The following SDCCAG8 variants were observed in gnomAD, a reference collection of about 807,000 sequenced individuals.
SDCCAG8 encodes the protein serologically defined colon cancer antigen 8.
A neutral mutation model predicts 101.8 loss-of-function variants in SDCCAG8; 74 were observed. That is an observed-to-expected ratio of 0.73 (90% confidence interval 0.60 to 0.88). The LOEUF (loss-of-function observed/expected upper bound fraction) is 0.88, where lower values mean the gene tolerates loss of function less well. SDCCAG8 is among the 40% of genes least tolerant of loss of function. The pLI is 0.00. For missense variants in SDCCAG8, 787 were observed against 822.6 expected (o/e 0.96, Z 0.53); for synonymous variants, 281 against 292.9 (o/e 0.96, Z 0.41).
At chr1:243,307,683 A>T (rs1355481024) in intron 7 of SDCCAG8, 3 of 1,283,588 alleles carry the variant, frequency 2.3e-6, no homozygotes, top group East Asian at 7.4e-5. Flanking sequence ...TTAATATAAC[A>T]TTAATGGAGG....
At chr1:243,261,679 C>A (rs1357976649) in intron 1 of SDCCAG8, among the ~76,000 whole-genome samples, 2 of 152,174 alleles carry the variant, frequency 1.3e-5, no homozygotes, top group Non-Finnish European at 2.9e-5. Context: ...TTCCTGTTTT[C>A]TTATAAAACT....
At chr1:243,306,555 C>G (rs1333146863) in intron 7 of SDCCAG8, 2 of 152,040 alleles carry the variant, frequency 1.3e-5, no homozygotes, top group Admixed American at 6.6e-5. Context: ...TTTCAACTTT[C>G]TTTTTAACTT....
At chr1:243,434,428 T>G (rs1193113621) in intron 16 of SDCCAG8, among the ~76,000 whole-genome samples, 4 of 152,260 alleles carry the variant, frequency 2.6e-5, no homozygotes, top group African/African-American at 4.8e-5. Flanking sequence ...TAATATAAAA[T>G]TATACTCTTA....
At chr1:243,480,193 C>G (rs1663182639) in intron 16 of SDCCAG8, among the ~76,000 whole-genome samples, 1 of 150,286 alleles carries the variant, frequency 6.7e-6, no homozygotes. Flanking sequence ...TTCCAGGGGG[C>G]CGTGTGGAAG....
intron 12 of SDCCAG8, among the ~76,000 whole-genome samples, chr1:243,367,679 T>G (rs2077060171): frequency 6.6e-6 from 1 of 151,138 alleles, no homozygotes. Flanking sequence ...TAAGGGCTAT[T>G]TTATTAAATA....
At chr1:243,269,480 T>C (rs2067906842) in intron 1 of SDCCAG8, among the ~76,000 whole-genome samples, 1 of 152,024 alleles carries the variant, frequency 6.6e-6, no homozygotes, top group African/African-American at 2.4e-5. Flanking sequence ...GGTGGTCAGT[T>C]GCACTAACCA....
At chr1:243,344,146 A>C in intron 11 of SDCCAG8, 69 bp from the exon 12 acceptor site, 1 of 1,284,240 alleles carries the variant, frequency 7.8e-7, no homozygotes, top group Middle Eastern at 1.8e-4. Context: ...GGGGCACCAA[A>C]AGATCTAATT....
chr1:243,454,791 A>G (rs2083615764), intron 16 of SDCCAG8, among the ~76,000 whole-genome samples: 1 of 152,084 alleles, frequency 6.6e-6, no homozygotes, highest in Admixed American at 6.6e-5. Context: ...GCAAGAGTGG[A>G]CCGTTCACCT....
intron 13 of SDCCAG8, among the ~76,000 whole-genome samples, chr1:243,386,829 C>T (rs1388584455): frequency 2.0e-5 from 3 of 152,128 alleles, no homozygotes; most frequent in Admixed American, 2.0e-4. Flanking sequence ...CTCCCTTATG[C>T]ATGACACGTG....
intron 13 of SDCCAG8, among the ~76,000 whole-genome samples, chr1:243,409,015 G>A (rs1014825324): frequency 2.6e-5 from 4 of 152,098 alleles, no homozygotes; most frequent in Admixed American, 2.6e-4. Context: ...TGACCCTCTA[G>A]CTCTGTGAGT....
intron 6 of SDCCAG8, among the ~76,000 whole-genome samples, chr1:243,303,100 G>A (rs890995961): frequency 2.0e-5 from 3 of 152,206 alleles, no homozygotes; most frequent in South Asian, 4.1e-4. Context: ...GGAGAAATTC[G>A]AGAGCTAATA....
At chr1:243,364,571 G>A (rs2076890720) in intron 12 of SDCCAG8, among the ~76,000 whole-genome samples, 4 of 152,132 alleles carry the variant, frequency 2.6e-5, no homozygotes, top group Admixed American at 2.6e-4. Flanking sequence ...GCAAGAAGAG[G>A]AGCTGTATTC....
At chr1:243,464,674 C>T (rs965231944) in intron 16 of SDCCAG8, among the ~76,000 whole-genome samples, 1 of 152,230 alleles carries the variant, frequency 6.6e-6, no homozygotes, top group Non-Finnish European at 1.5e-5. Flanking sequence ...CGCAGACTAA[C>T]TAAGCTGCAC....
chr1:243,276,398 A>AG (rs2068577236), intron 4 of SDCCAG8, among the ~76,000 whole-genome samples: 2 of 152,222 alleles, frequency 1.3e-5, no homozygotes, highest in Non-Finnish European at 2.9e-5. Flanking sequence ...TGTAAATTTG[A>AG]TACATTTTAG....
intron 12 of SDCCAG8, among the ~76,000 whole-genome samples, chr1:243,349,591 G>T (rs1217807310): frequency 2.0e-5 from 3 of 151,996 alleles, no homozygotes; most frequent in African/African-American, 7.3e-5. Context: ...AATAACAATG[G>T]TTTTAGAGTA....
chr1:243,301,708 T>A (rs2071521652), intron 6 of SDCCAG8, among the ~76,000 whole-genome samples: 1 of 152,078 alleles, frequency 6.6e-6, no homozygotes, highest in African/African-American at 2.4e-5. Flanking sequence ...TTTATATGGG[T>A]ACAGGATTTC....
chr1:243,292,901 G>A (rs2070415526), intron 5 of SDCCAG8, among the ~76,000 whole-genome samples, 190 bp from the exon 6 acceptor site: 1 of 152,136 alleles, frequency 6.6e-6, no homozygotes, highest in African/African-American at 2.4e-5. Context: ...GTACCTGAAG[G>A]AATTTTACTT....
intron 13 of SDCCAG8, among the ~76,000 whole-genome samples, chr1:243,404,178 T>C (rs1242639563): frequency 1.3e-5 from 2 of 152,194 alleles, no homozygotes; most frequent in African/African-American, 2.4e-5. Flanking sequence ...TTTCAGTTGC[T>C]TATATTTATT....
At chr1:243,393,652 G>A (rs765703044) in intron 13 of SDCCAG8, among the ~76,000 whole-genome samples, 6 of 152,130 alleles carry the variant, frequency 3.9e-5, no homozygotes, top group Admixed American at 1.3e-4. Context: ...TTTGCTGTTT[G>A]TATGGTTCTG....
Sources: allele counts gnomAD v4.1 joint callset (sites outside exome capture counted in the v4.1 genomes callset), GRCh38; gene constraint gnomAD v4.1.1; transcripts MANE v1.5; gene names NCBI Gene and HGNC (gene_info 2026-07-23, HGNC 2026-07-21).